The following UBXN7 variants were observed in gnomAD, a reference collection of about 807,000 sequenced individuals.
UBXN7 encodes UBX domain protein 7.
Under a neutral mutation model 58.0 loss-of-function variants are expected in UBXN7, and 9 were observed. The observed-to-expected ratio is 0.16, with a 90% CI of 0.09 to 0.27. UBXN7 has a LOEUF of 0.27. UBXN7 is among the 10% of genes least tolerant of loss of function. UBXN7 has a pLI of 1.00. For synonymous variants in UBXN7, 208 were observed against 205.0 expected (o/e 1.01, Z -0.12); for missense variants, 328 against 599.6 (o/e 0.55, Z 4.73).
intron 1 of UBXN7, among the ~76,000 whole-genome samples, chr3:196,430,517 A>G (rs1461780235): frequency 6.6e-6 from 1 of 151,890 alleles, no homozygotes; most frequent in African/African-American, 2.4e-5. Flanking sequence ...CCTCCCCAGT[A>G]GCTGGGACTA....
In UBXN7 at chr3:196,356,594, TG is replaced by T; in HGVS notation, c.*90del. ...ACTTGCTTGCCCAACTTTGGCTCTG[TG>T]GTCCTATGAGCCAAAATGCATACTT... On this transcript the variant is annotated 3_prime_UTR_variant, in exon 11 of 11. Transcript: ENST00000296328. 1 of 1,448,752 alleles carries T rather than the reference TG, an allele frequency of 6.9e-7. No homozygotes were observed. The highest frequency in any genetic ancestry group is 9.2e-7 in the Non-Finnish European group (1 of 1,084,076). The allele number at this position is 1,448,752 out of a possible 1,614,324, so 89.7% of individuals were successfully genotyped here. A position where few individuals can be genotyped will look rare whatever the true frequency, so the allele number is the denominator to read the frequency against.
chr3:196,404,261 GTTTTTTTTT>G (rs869218456), intron 2 of UBXN7, among the ~76,000 whole-genome samples: 1 of 129,392 alleles, frequency 7.7e-6, no homozygotes, highest in Admixed American at 8.1e-5. Flanking sequence ...AGCCCTAATG[GTTTTTTTTT>G]TTTTTTTTTT....
intron 1 of UBXN7, among the ~76,000 whole-genome samples, chr3:196,422,069 G>A (rs973589099): frequency 2.7e-5 from 4 of 149,732 alleles, no homozygotes; most frequent in Admixed American, 1.3e-4. Flanking sequence ...GCAAGGTGGT[G>A]CACGCCTGTA....
intron 3 of UBXN7, among the ~76,000 whole-genome samples, chr3:196,395,053 A>G (rs1729727354): frequency 6.6e-6 from 1 of 152,230 alleles, no homozygotes; most frequent in Non-Finnish European, 1.5e-5. Flanking sequence ...GTACATTACA[A>G]TAAATAAAGG....
intron 5 of UBXN7, among the ~76,000 whole-genome samples, chr3:196,385,912 C>T (rs1042979786): frequency 9.9e-5 from 15 of 152,122 alleles, no homozygotes; most frequent in African/African-American, 3.4e-4. Flanking sequence ...GCCATGATGA[C>T]GATGGTGGTT....
At chr3:196,407,001 A>C (rs1265488493) in intron 2 of UBXN7, among the ~76,000 whole-genome samples, 2 of 152,026 alleles carry the variant, frequency 1.3e-5, no homozygotes, top group Non-Finnish European at 2.9e-5. Flanking sequence ...ACCACCACAC[A>C]CTCCAACCAA....
At chr3:196,427,505 A>G (rs2108628194) in intron 1 of UBXN7, among the ~76,000 whole-genome samples, 1 of 152,288 alleles carries the variant, frequency 6.6e-6, no homozygotes, top group East Asian at 1.9e-4. Flanking sequence ...TTTCGGAGAG[A>G]CAGGGTTTCA....
rs1359222156 is a variant in UBXN7 at position 196,351,995 on chromosome 3, C to T, written c.*4690G>A. 1 of 152,142 alleles carries T rather than the reference C, an allele frequency of 6.6e-6. No homozygotes were observed. Among genetic ancestry groups the T allele is most frequent in the Non-Finnish European group, 1.5e-5 (1 of 68,026 alleles). The allele number at this position is 152,142 out of a possible 1,614,324, so 9.4% of individuals were successfully genotyped here. On this transcript the variant is annotated 3_prime_UTR_variant, in exon 11 of 11. Coordinates refer to ENST00000296328, the MANE Select transcript of UBXN7 (RefSeq NM_015562.2). ...TCAATAATCCTTTCCTACTTGGGTA[C>T]TGGTTATGCCTTAGTGGCAGAACTT...
chr3:196,347,704 A>C lies in UBXN7; in HGVS notation c.*8981T>G, dbSNP rs1728117085. ...TTTTATTTCCAAGATCAAATATTAC[A>C]ACAGGACATTTACATGTATTTATAA... On this transcript the variant is annotated 3_prime_UTR_variant, in exon 11 of 11. Transcript: ENST00000296328. 1 of 152,194 alleles carries C rather than the reference A, an allele frequency of 6.6e-6. No homozygotes were observed. The highest frequency in any genetic ancestry group is 1.5e-5 in the Non-Finnish European group (1 of 68,046). The allele number at this position is 152,194 out of a possible 1,614,324, so 9.4% of individuals were successfully genotyped here. A position where few individuals can be genotyped will look rare whatever the true frequency, so the allele number is the denominator to read the frequency against.
intron 1 of UBXN7, chr3:196,432,057 C>A (rs1325480794): frequency 3.4e-6 from 2 of 592,720 alleles, no homozygotes; most frequent in Admixed American, 5.5e-5. Flanking sequence ...ACGGACTCGG[C>A]CCATTCCCAG....
At chr3:196,425,112 C>A (rs1389269412) in intron 1 of UBXN7, among the ~76,000 whole-genome samples, 1 of 152,174 alleles carries the variant, frequency 6.6e-6, no homozygotes, top group Non-Finnish European at 1.5e-5. Flanking sequence ...ATTAGCAGCA[C>A]CTTAACTTAT....
chr3:196,419,766 A>G (rs150825940), intron 1 of UBXN7, among the ~76,000 whole-genome samples: 98 of 152,316 alleles, frequency 6.4e-4, no homozygotes, highest in East Asian at 6.2e-3. Context: ...ACGTCCTCCA[A>G]AAGACTACTC....
intron 3 of UBXN7, among the ~76,000 whole-genome samples, chr3:196,402,276 C>G (rs924511064): frequency 6.6e-6 from 1 of 152,186 alleles, no homozygotes; most frequent in Non-Finnish European, 1.5e-5. Flanking sequence ...CCACCTCAGC[C>G]TCCCAAAGTG....
intron 3 of UBXN7, among the ~76,000 whole-genome samples, chr3:196,398,331 T>C (rs748139813): frequency 1.1e-4 from 16 of 152,310 alleles, no homozygotes; most frequent in South Asian, 2.1e-4. Context: ...TCAGGCAGTT[T>C]AATTTTGGAA....
intron 5 of UBXN7, among the ~76,000 whole-genome samples, chr3:196,391,183 G>A (rs1481767404): frequency 6.6e-6 from 1 of 152,094 alleles, no homozygotes; most frequent in Non-Finnish European, 1.5e-5. Flanking sequence ...ACTATTCTCA[G>A]TAGTAGTCAA....
chr3:196,400,788 C>T (rs1729938669), intron 3 of UBXN7: 1 of 325,168 alleles, frequency 3.1e-6, no homozygotes, highest in Non-Finnish European at 5.9e-6. Flanking sequence ...TGGAATTCTT[C>T]TGCCTCTGTT....
intron 1 of UBXN7, chr3:196,423,556 T>C (rs1196028134): frequency 6.1e-5 from 10 of 163,082 alleles, no homozygotes; most frequent in Non-Finnish European, 1.3e-4. Context: ...TGGAGCTGGG[T>C]CATGGAAGAG....
At chr3:196,377,216 A>T (rs1474606451) in intron 5 of UBXN7, among the ~76,000 whole-genome samples, 2 of 152,238 alleles carry the variant, frequency 1.3e-5, no homozygotes, top group African/African-American at 4.8e-5. Flanking sequence ...AGCTTACAGC[A>T]TGGTGGGGAA....
chr3:196,404,541 C>T (rs1283260071), intron 2 of UBXN7, among the ~76,000 whole-genome samples: 2 of 137,336 alleles, frequency 1.5e-5, no homozygotes, highest in African/African-American at 5.0e-5. Flanking sequence ...GGATTACAGG[C>T]GTGAGCCACC....
Sources: allele counts gnomAD v4.1 joint callset (sites outside exome capture counted in the v4.1 genomes callset), GRCh38; gene constraint gnomAD v4.1.1; transcripts MANE v1.5; gene names NCBI Gene and HGNC (gene_info 2026-07-23, HGNC 2026-07-21).